STOX2: variants seen among roughly 807,000 people sequenced by gnomAD.
STOX2 encodes the protein storkhead box 2, also known as storkhead-box protein 2.
In STOX2, 28 loss-of-function variants were observed where a neutral mutation model predicts 60.9. That is an observed-to-expected ratio of 0.46 (90% confidence interval 0.34 to 0.63). STOX2 has a LOEUF of 0.63. Among genes scored for constraint, STOX2 ranks in the 30% least tolerant of loss-of-function variants. The pLI, the probability that STOX2 is intolerant of heterozygous loss-of-function variation, is 0.01. For missense variants in STOX2, 1,024 were observed against 1,187.7 expected (o/e 0.86, Z 2.03); for synonymous variants, 472 against 463.9 (o/e 1.02, Z -0.22).
At chr4:183,867,796 G>A (rs556307545) in intron 1 of STOX2, among the ~76,000 whole-genome samples, 1 of 152,322 alleles carries the variant, frequency 6.6e-6, no homozygotes, top group Non-Finnish European at 1.5e-5. Flanking sequence ...CAAAGGTTGA[G>A]TAGCTTCTCC....
At chr4:183,957,908 C>A (rs1000224781) in intron 1 of STOX2, among the ~76,000 whole-genome samples, 1 of 150,514 alleles carries the variant, frequency 6.6e-6, no homozygotes, top group African/African-American at 2.4e-5. Flanking sequence ...GAATAAGGCA[C>A]CCTGGTTTCT....
At chr4:183,843,871 A>T (rs766217317) in intron 1 of STOX2, among the ~76,000 whole-genome samples, 22 of 152,170 alleles carry the variant, frequency 1.4e-4, no homozygotes, top group Non-Finnish European at 2.6e-4. Flanking sequence ...AATTGTAATT[A>T]TAGTTGACCC....
At chr4:183,938,933 G>A (rs7664503) in intron 1 of STOX2, among the ~76,000 whole-genome samples, 27,188 of 151,828 alleles carry the variant, frequency 0.18, 4,264 homozygotes, top group East Asian at 0.44. Context: ...TAAAAAATTT[G>A]TAAAGTAAAA....
rs1560949212 is a variant in STOX2 at position 184,017,429 on chromosome 4, CA to C, written c.*152del. On this transcript the variant is annotated 3_prime_UTR_variant, in exon 4 of 4. Coordinates refer to ENST00000308497, the MANE Select transcript of STOX2 (RefSeq NM_020225.3). ...ACTGTGCTGCTAAGTAGGGCTAGGG[CA>C]AAAAAACAAAAAATCTTTATTTCAG... 1.0e-5 allele frequency: 7 copies of C among 693,626 alleles called. No individual in the cohort carries two copies. The highest frequency in any genetic ancestry group is 3.4e-5 in the Admixed American group (1 of 29,660). The allele number at this position is 693,626 out of a possible 1,614,324, so 43.0% of individuals were successfully genotyped here.
At chr4:183,829,632 A>G (rs1169181333) in intron 1 of STOX2, among the ~76,000 whole-genome samples, 3 of 152,174 alleles carry the variant, frequency 2.0e-5, no homozygotes, top group Non-Finnish European at 4.4e-5. Context: ...CCTTGGTCAC[A>G]TTGTCTTAGC....
chr4:183,893,720 A>T (rs1314628562), intron 1 of STOX2, among the ~76,000 whole-genome samples: 1 of 152,112 alleles, frequency 6.6e-6, no homozygotes, highest in African/African-American at 2.4e-5. Context: ...CTGTCTCCCC[A>T]CTTAGATTTA....
rs13328060 is a variant in STOX2 at position 183,989,190 on chromosome 4, T to G, written c.167-12135T>G. Among the ~76,000 whole-genome samples the G allele has an allele frequency of 4.7e-3, 215 of 45,632 alleles. 1 individual carries two copies. Among genetic ancestry groups the G allele is most frequent in the African/African-American group, 0.014 (146 of 10,770 alleles). The allele number at this position is 45,632 out of a possible 152,430, so 29.9% of individuals were successfully genotyped here. On this transcript the variant is annotated intron_variant, in intron 1 of 3. Coordinates refer to ENST00000308497, the MANE Select transcript of STOX2 (RefSeq NM_020225.3). The stretch of plus-strand genomic sequence containing the variant: ...TCTGGTTTTTTTTTTTTTTTTTTTT[T>G]TTTGTTTGTTTGGTTTGGTTTGGTT...
intron 1 of STOX2, among the ~76,000 whole-genome samples, chr4:183,961,020 C>G (rs1433164986): frequency 6.6e-6 from 1 of 152,152 alleles, no homozygotes; most frequent in Non-Finnish European, 1.5e-5. Context: ...CCCTGGTTCT[C>G]TGTGACACAG....
At chr4:183,860,514 T>C (rs558617650) in intron 1 of STOX2, among the ~76,000 whole-genome samples, 1 of 150,168 alleles carries the variant, frequency 6.7e-6, no homozygotes, top group East Asian at 2.0e-4. Context: ...TGAATTCCCC[T>C]ACCTCTTTAT....
chr4:183,956,375 TC>T (rs1425506646), intron 1 of STOX2, among the ~76,000 whole-genome samples: 50 of 130,636 alleles, frequency 3.8e-4, no homozygotes, highest in African/African-American at 2.0e-3. Context: ...TATCTATCTA[TC>T]TATCTATCTA....
At chr4:183,983,088 C>G (rs949413970) in intron 1 of STOX2, among the ~76,000 whole-genome samples, 1 of 152,148 alleles carries the variant, frequency 6.6e-6, no homozygotes, top group African/African-American at 2.4e-5. Flanking sequence ...ACCAGCCATT[C>G]TCCAAAACAT....
chr4:183,939,095 A>G (rs980175971), intron 1 of STOX2, among the ~76,000 whole-genome samples: 5 of 152,176 alleles, frequency 3.3e-5, no homozygotes, highest in African/African-American at 1.2e-4. Flanking sequence ...GGTAATTTGG[A>G]TGTTTAAGTG....
intron 1 of STOX2, among the ~76,000 whole-genome samples, chr4:183,949,640 G>A (rs1463872833): frequency 2.0e-5 from 3 of 152,330 alleles, no homozygotes; most frequent in South Asian, 2.1e-4. Flanking sequence ...GTAGGTTGCA[G>A]TGAGCCCAGA....
At chr4:183,845,337 G>A (rs1739961721) in intron 1 of STOX2, among the ~76,000 whole-genome samples, 1 of 152,184 alleles carries the variant, frequency 6.6e-6, no homozygotes, top group Admixed American at 6.5e-5. Context: ...GCTTAAGCCA[G>A]GTGGGATATG....
At chr4:183,904,681 A>G (rs1287861564), upstream of STOX2, among the ~76,000 whole-genome samples, 3 of 152,242 alleles carry the variant, frequency 2.0e-5, no homozygotes, top group Non-Finnish European at 4.4e-5. Flanking sequence ...GCCACAGGTT[A>G]TAGAGGGCGG....
intron 1 of STOX2, among the ~76,000 whole-genome samples, chr4:183,829,429 A>G (rs1031327042): frequency 6.6e-6 from 1 of 152,126 alleles, no homozygotes; most frequent in Non-Finnish European, 1.5e-5. Context: ...TCTTTGTCAC[A>G]CTTGCAGGCC....
intron 1 of STOX2, among the ~76,000 whole-genome samples, chr4:183,889,012 G>A (rs1579377440): frequency 6.6e-6 from 1 of 151,752 alleles, no homozygotes; most frequent in Non-Finnish European, 1.5e-5. Flanking sequence ...TGTTCTCGAT[G>A]CGTTATTGGA....
At chr4:183,901,114 T>C (rs77045507), upstream of STOX2, among the ~76,000 whole-genome samples, 2,577 of 152,278 alleles carry the variant, frequency 0.017, 63 homozygotes, top group African/African-American at 0.058. Context: ...CTTTGTGTCA[T>C]TATGATTTTG....
chr4:183,820,700 T>C (rs1739286034), intron 1 of STOX2, among the ~76,000 whole-genome samples: 1 of 152,188 alleles, frequency 6.6e-6, no homozygotes, highest in African/African-American at 2.4e-5. Context: ...AGTTTCAAAG[T>C]ATGCAGATTG....
Sources: allele counts gnomAD v4.1 joint callset (sites outside exome capture counted in the v4.1 genomes callset), GRCh38; gene constraint gnomAD v4.1.1; transcripts MANE v1.5; gene names NCBI Gene and HGNC (gene_info 2026-07-23, HGNC 2026-07-21).